GLRA2: variants seen among roughly 807,000 people sequenced by gnomAD.
GLRA2 encodes the protein glycine receptor subunit alpha-2.
A neutral mutation model predicts 31.6 loss-of-function variants in GLRA2; 11 were observed. The ratio of observed to expected loss-of-function variants is 0.35; its 90% CI spans 0.22 to 0.58. The LOEUF (loss-of-function observed/expected upper bound fraction) is 0.58. Among genes scored for constraint, GLRA2 ranks in the 20% least tolerant of loss-of-function variants. The probability of loss-of-function intolerance (pLI) is 0.84; values close to 1 mark genes in which losing one functional copy is unlikely to be tolerated. For synonymous variants in GLRA2, 132 were observed against 134.0 expected, an observed-to-expected ratio of 0.99 and a Z score of 0.10; for missense variants, 212 against 351.8, an observed-to-expected ratio of 0.60 and a Z score of 3.18.
intron 7 of GLRA2, among the ~76,000 whole-genome samples, chrX:14,659,084 G>A (rs2090967720): frequency 1.8e-5 from 2 of 112,126 alleles, no homozygotes; most frequent in Admixed American, 1.9e-4. Context: ...AGGGGTCAGT[G>A]AGCTATGGCC....
At chrX:14,696,076 A>G (rs1311374569) in intron 8 of GLRA2, among the ~76,000 whole-genome samples, 2 of 109,844 alleles carry the variant, frequency 1.8e-5, no homozygotes, top group Non-Finnish European at 3.8e-5. Context: ...ATGAGCAGGA[A>G]AGTGAGTGGA....
chrX:14,535,143 C>T (rs2089304786), intron 2 of GLRA2, among the ~76,000 whole-genome samples: 1 of 111,222 alleles, frequency 9.0e-6, no homozygotes, highest in African/African-American at 3.3e-5. Context: ...AAAATTTGAC[C>T]ACCAGAATAA....
At chrX:14,503,869 A>T in the GLRA2 span, among the ~76,000 whole-genome samples, 12 of 111,984 alleles carry the variant, frequency 1.1e-4, no homozygotes, top group African/African-American at 2.9e-4. Flanking sequence ...TTATTTTTTT[A>T]AAATTCCCAG....
At chrX:14,673,977 ATTC>A (rs1183571945) in intron 7 of GLRA2, among the ~76,000 whole-genome samples, 4 of 112,423 alleles carry the variant, frequency 3.6e-5, no homozygotes, top group Admixed American at 9.4e-5. Context: ...TCTGTGAGTA[ATTC>A]TTCTGACTCA....
At chrX:14,708,467 A>C (rs2091662220) in intron 8 of GLRA2, among the ~76,000 whole-genome samples, 1 of 110,957 alleles carries the variant, frequency 9.0e-6, no homozygotes, top group Non-Finnish European at 1.9e-5. Context: ...ACCTCACTAA[A>C]ACTTGCTAAG....
chrX:14,617,988 CCAT>C (rs1015551924), intron 7 of GLRA2, among the ~76,000 whole-genome samples: 16 of 111,708 alleles, frequency 1.4e-4, no homozygotes, highest in African/African-American at 4.9e-4. Flanking sequence ...CTTACCACCA[CCAT>C]GTTTTAAATA....
the GLRA2 span, among the ~76,000 whole-genome samples, chrX:14,461,099 C>T: frequency 1.5e-4 from 17 of 112,001 alleles, no homozygotes; most frequent in Non-Finnish European, 3.0e-4. Flanking sequence ...TTTATTTCTG[C>T]CTTCATTTCA....
chrX:14,514,327 C>A, the GLRA2 span, among the ~76,000 whole-genome samples: 1 of 109,256 alleles, frequency 9.2e-6, no homozygotes, highest in Admixed American at 9.9e-5. Context: ...GACGGGTGCA[C>A]CAAATCTCAG....
chrX:14,685,521 A>C (rs1241144705), intron 7 of GLRA2, among the ~76,000 whole-genome samples: 1 of 111,586 alleles, frequency 9.0e-6, no homozygotes, highest in African/African-American at 3.3e-5. Flanking sequence ...TCAGGGATTC[A>C]ACTTCTTCCT....
intron 7 of GLRA2, among the ~76,000 whole-genome samples, chrX:14,665,098 A>G (rs1376229909): frequency 1.8e-5 from 2 of 112,000 alleles, no homozygotes; most frequent in East Asian, 5.6e-4. Flanking sequence ...TCTGGCTTCA[A>G]TGTTTAGAAA....
chrX:14,642,737 T>C (rs1601793796), intron 7 of GLRA2, among the ~76,000 whole-genome samples: 2 of 111,391 alleles, frequency 1.8e-5, no homozygotes, highest in South Asian at 7.5e-4. Flanking sequence ...GACACAGGAA[T>C]TATTTGGCTC....
the GLRA2 span, among the ~76,000 whole-genome samples, chrX:14,487,242 G>GT: frequency 2.6e-4 from 28 of 109,079 alleles, no homozygotes; most frequent in Non-Finnish European, 5.1e-4. Context: ...AAAATGCTCA[G>GT]TAACCATATG....
chrX:14,617,385 G>T (rs903249608), intron 7 of GLRA2, among the ~76,000 whole-genome samples: 3 of 111,471 alleles, frequency 2.7e-5, no homozygotes, highest in African/African-American at 9.8e-5. Flanking sequence ...TAAAATAGAA[G>T]ATTATAATTC....
intron 8 of GLRA2, among the ~76,000 whole-genome samples, chrX:14,703,595 T>G (rs1262251839): frequency 8.9e-6 from 1 of 111,758 alleles, no homozygotes; most frequent in Non-Finnish European, 1.9e-5. Context: ...ACATCTTTGG[T>G]AGGCATTATC....
At chrX:14,680,527 G>T (rs2091190495) in intron 7 of GLRA2, among the ~76,000 whole-genome samples, 1 of 111,978 alleles carries the variant, frequency 8.9e-6, no homozygotes, top group Admixed American at 9.5e-5. Flanking sequence ...AGGGGAAGAT[G>T]TGAGCTCAAA....
At chrX:14,602,537 T>C (rs193016052) in intron 4 of GLRA2, among the ~76,000 whole-genome samples, 30 of 110,999 alleles carry the variant, frequency 2.7e-4, no homozygotes, top group African/African-American at 9.8e-4. Context: ...ACCTGAGCAG[T>C]ATACACTGAA....
chrX:14,697,204 G>T (rs1206690242), intron 8 of GLRA2, among the ~76,000 whole-genome samples: 1 of 112,058 alleles, frequency 8.9e-6, no homozygotes, highest in Non-Finnish European at 1.9e-5. Context: ...ACAACTGTGT[G>T]AGTAATGCAA....
intron 8 of GLRA2, among the ~76,000 whole-genome samples, chrX:14,716,783 T>A (rs1392518447): frequency 9.0e-6 from 1 of 111,232 alleles, no homozygotes; most frequent in Non-Finnish European, 1.9e-5. Flanking sequence ...TGGGAAGCAA[T>A]ATTAAAGAAA....
At chrX:14,450,325 C>T in the GLRA2 span, among the ~76,000 whole-genome samples, 3 of 111,714 alleles carry the variant, frequency 2.7e-5, no homozygotes, top group East Asian at 8.6e-4. Context: ...GAGTTGCAGG[C>T]CTCCTGGTGA....
Sources: gnomAD v4.1 joint callset for allele counts (sites outside exome capture counted in the v4.1 genomes callset) on GRCh38, gnomAD v4.1.1 for gene constraint, MANE v1.5 for transcripts, NCBI Gene and HGNC (gene_info 2026-07-23, HGNC 2026-07-21) for gene names.